The following NDUFS4 variants were observed in gnomAD, a reference collection of about 807,000 sequenced individuals.
NDUFS4 encodes the protein NADH:ubiquinone oxidoreductase subunit S4.
Under a neutral mutation model 24.3 loss-of-function variants are expected in NDUFS4, and 28 were observed. The observed-to-expected ratio is 1.15, with a 90% CI of 0.85 to 1.58. The LOEUF (loss-of-function observed/expected upper bound fraction) is 1.58, where lower values mean the gene tolerates loss of function less well. Among genes scored for constraint, NDUFS4 ranks in the 40% most tolerant of loss-of-function variants. NDUFS4 has a pLI of 0.00. For missense variants in NDUFS4, 223 were observed against 207.9 expected, an observed-to-expected ratio of 1.07 and a Z score of -0.45; for synonymous variants, 93 against 69.7, an observed-to-expected ratio of 1.34 and a Z score of -1.67.
intron 4 of NDUFS4, among the ~76,000 whole-genome samples, chr5:53,682,063 TC>T (rs1469841409): frequency 6.6e-6 from 1 of 152,104 alleles, no homozygotes; most frequent in Non-Finnish European, 1.5e-5. Flanking sequence ...ATTAGATGTT[TC>T]AAGATGTTAT....
rs915324191 is a variant in NDUFS4 at position 53,591,488 on chromosome 5, G to A, written c.99-11964G>A. ...GGGGGGGGGGGTGATAATAACTATCGTAATAAATATGAAGTGGTATCTTAT... is the reference window on the plus strand; with the variant it reads ...GGGGGGGGGGGTGATAATAACTATCATAATAAATATGAAGTGGTATCTTAT... On this transcript the variant is annotated intron_variant, in intron 1 of 4. Coordinates refer to ENST00000296684, the MANE Select transcript of NDUFS4 (RefSeq NM_002495.4). 5.1e-5 allele frequency among the ~76,000 whole-genome samples: 7 copies of A among 136,202 alleles called. No homozygotes were observed. The East Asian group carries it at 6.6e-4, about 13-fold the overall frequency. The allele number at this position is 136,202 out of a possible 152,430, so 89.4% of individuals were successfully genotyped here.
intron 2 of NDUFS4, among the ~76,000 whole-genome samples, chr5:53,607,193 C>T (rs1218893567): frequency 6.6e-6 from 1 of 152,130 alleles, no homozygotes; most frequent in African/African-American, 2.4e-5. Context: ...ATGAACCTGT[C>T]ACTTCAAGGA....
chr5:53,645,031 C>T (rs959830773), intron 2 of NDUFS4, among the ~76,000 whole-genome samples: 4 of 152,022 alleles, frequency 2.6e-5, no homozygotes, highest in African/African-American at 9.7e-5. Context: ...TAGATTGAAA[C>T]TACAAATAAA....
At chr5:53,680,714 A>AGG (rs1217905968) in intron 4 of NDUFS4, among the ~76,000 whole-genome samples, 1 of 151,800 alleles carries the variant, frequency 6.6e-6, no homozygotes, top group Non-Finnish European at 1.5e-5. Context: ...GGGAGCGGGG[A>AGG]GGGATAGCTT....
chr5:53,639,725 TAAA>T (rs1249116365), intron 2 of NDUFS4, among the ~76,000 whole-genome samples: 1 of 152,276 alleles, frequency 6.6e-6, no homozygotes, highest in Admixed American at 6.5e-5. Flanking sequence ...CAGGCAGTTA[TAAA>T]AAATATCACA....
intron 1 of NDUFS4, among the ~76,000 whole-genome samples, chr5:53,582,147 C>A (rs932930884): frequency 1.3e-5 from 2 of 151,592 alleles, no homozygotes; most frequent in African/African-American, 4.9e-5. Flanking sequence ...GGAGGCGGAG[C>A]TTGCAGTGAG....
intron 2 of NDUFS4, among the ~76,000 whole-genome samples, chr5:53,605,930 C>T (rs564856759): frequency 1.2e-3 from 179 of 148,652 alleles, no homozygotes; most frequent in Admixed American, 2.9e-3. Context: ...AGGAGAATGG[C>T]GTGAACCTGG....
chr5:53,582,597 GT>G (rs1251715968), intron 1 of NDUFS4, among the ~76,000 whole-genome samples: 3 of 152,168 alleles, frequency 2.0e-5, no homozygotes, highest in Non-Finnish European at 4.4e-5. Context: ...AATTAATTTC[GT>G]TTTTTCTTTT....
intron 2 of NDUFS4, among the ~76,000 whole-genome samples, chr5:53,619,379 A>G (rs528876199): frequency 4.1e-5 from 6 of 144,816 alleles, no homozygotes; most frequent in Non-Finnish European, 9.0e-5. Flanking sequence ...AGTCCCAGCT[A>G]CTTGGGAGGC....
At chr5:53,656,568 C>T (rs933779710) in intron 3 of NDUFS4, among the ~76,000 whole-genome samples, 3 of 152,156 alleles carry the variant, frequency 2.0e-5, no homozygotes, top group Non-Finnish European at 4.4e-5. Flanking sequence ...TGGGAAAGTA[C>T]ACCTTGCATT....
chr5:53,586,066 C>T (rs1010989125), intron 1 of NDUFS4, among the ~76,000 whole-genome samples: 3 of 151,932 alleles, frequency 2.0e-5, no homozygotes, highest in Admixed American at 1.3e-4. Context: ...CAGTGGCTCA[C>T]GTCTGTAATC....
intron 2 of NDUFS4, among the ~76,000 whole-genome samples, chr5:53,634,506 A>G (rs929655709): frequency 2.0e-5 from 3 of 152,078 alleles, no homozygotes; most frequent in Non-Finnish European, 4.4e-5. Flanking sequence ...TTTTTAATTT[A>G]TTACCAGGAG....
chr5:53,610,634 A>C (rs948291008), intron 2 of NDUFS4, among the ~76,000 whole-genome samples: 5 of 152,202 alleles, frequency 3.3e-5, no homozygotes, highest in African/African-American at 1.2e-4. Context: ...TTATAAACAA[A>C]ACCTTGGAGT....
intron 1 of NDUFS4, among the ~76,000 whole-genome samples, chr5:53,569,811 C>T (rs146233563): frequency 0.013 from 1,941 of 152,214 alleles, 35 homozygotes; most frequent in African/African-American, 0.045. Context: ...ATCAAATTTC[C>T]TGACGCTTTA....
intron 3 of NDUFS4, among the ~76,000 whole-genome samples, chr5:53,650,071 G>A (rs1328595581): frequency 2.0e-5 from 3 of 152,068 alleles, no homozygotes; most frequent in Non-Finnish European, 2.9e-5. Context: ...AATTTGTCCC[G>A]ATCCAGTGAT....
At chr5:53,619,820 G>A (rs79665447) in intron 2 of NDUFS4, among the ~76,000 whole-genome samples, 2,677 of 151,914 alleles carry the variant, frequency 0.018, 79 homozygotes, top group African/African-American at 0.06. Context: ...AATTATAAAC[G>A]AATGTATAAT....
intron 1 of NDUFS4, chr5:53,573,477 G>A (rs1434863323): frequency 3.7e-5 from 14 of 375,430 alleles, no homozygotes. Context: ...TATCTAATCA[G>A]TGTTGTAGTT....
chr5:53,583,835 T>G (rs562538749), intron 1 of NDUFS4, among the ~76,000 whole-genome samples: 1 of 152,254 alleles, frequency 6.6e-6, no homozygotes, highest in Non-Finnish European at 1.5e-5. Flanking sequence ...ACTGGTTATG[T>G]GGTACTATAC....
intron 1 of NDUFS4, among the ~76,000 whole-genome samples, chr5:53,583,571 T>G (rs1749643389): frequency 1.3e-5 from 2 of 152,234 alleles, no homozygotes; most frequent in Non-Finnish European, 2.9e-5. Context: ...GATTATACAT[T>G]CTGTTTATAG....
Sources: gnomAD v4.1 joint callset for allele counts (sites outside exome capture counted in the v4.1 genomes callset) on GRCh38, gnomAD v4.1.1 for gene constraint, MANE v1.5 for transcripts, NCBI Gene and HGNC (gene_info 2026-07-23, HGNC 2026-07-21) for gene names.